Variants in CHPT1 observed in about 807,000 individuals in gnomAD.
CHPT1 encodes the protein cholinephosphotransferase 1.
Under a neutral mutation model 47.6 loss-of-function variants are expected in CHPT1, and 36 were observed. That is an observed-to-expected ratio of 0.76 (90% CI 0.58 to 1.00). CHPT1 has a LOEUF of 1.00. CHPT1 is among the 50% of genes least tolerant of loss of function. The probability of loss-of-function intolerance (pLI) is 0.00; values close to 1 mark genes in which losing one functional copy is unlikely to be tolerated. For synonymous variants in CHPT1, 194 were observed against 186.3 expected (o/e 1.04, Z -0.33); for missense variants, 458 against 498.1 (o/e 0.92, Z 0.77).
chr12:101,721,274 C>T (rs533778810), intron 5 of CHPT1, among the ~76,000 whole-genome samples: 1 of 151,486 alleles, frequency 6.6e-6, no homozygotes, highest in South Asian at 2.1e-4. Flanking sequence ...GGTGACAGAG[C>T]GAGACTCTGT....
In CHPT1 at chr12:101,712,325, A is replaced by AT. The variant is rs547430130; in HGVS notation, c.274-1761dup. On this transcript the variant is annotated intron_variant, in intron 1 of 8. Coordinates refer to ENST00000229266, the MANE Select transcript of CHPT1 (RefSeq NM_020244.3). The stretch of plus-strand genomic sequence containing the variant: ...TGTGAGCCGCCGAACCTGGACTGTG[A>AT]TTTTCTGCTTACTACTAGTTTTCAT... Among the ~76,000 whole-genome samples, 4 of 148,462 alleles carry AT rather than the reference A, an allele frequency of 2.7e-5. 1 individual carries two copies. The East Asian group carries it at 8.0e-4, about 30-fold the overall frequency.
rs1299787668 is a variant in CHPT1, at chr12:101,728,400, C to CTGTT, written c.1177-500_1177-497dup. ...ATATTCACAAATCCATGTCTTAAAA[C>CTGTT]TGTTATTTATATATTGTTCTATTGC... is the stretch of plus-strand genomic sequence containing the variant. On this transcript the variant is annotated intron_variant, in intron 8 of 8. Coordinates refer to ENST00000229266, the MANE Select transcript of CHPT1 (RefSeq NM_020244.3). 3 of 154,036 alleles carry CTGTT rather than the reference C, an allele frequency of 1.9e-5. No homozygotes were observed. The East Asian group carries it at 5.7e-4, about 29-fold the overall frequency. The allele number at this position is 154,036 out of a possible 1,614,324, so 9.5% of individuals were successfully genotyped here.
At chr12:101,704,486 C>A (rs1047365364) in intron 1 of CHPT1, among the ~76,000 whole-genome samples, 2 of 151,024 alleles carry the variant, frequency 1.3e-5, no homozygotes, top group African/African-American at 4.9e-5. Context: ...ACTGCTACCT[C>A]CGCCTCCTGG....
intron 1 of CHPT1, among the ~76,000 whole-genome samples, chr12:101,704,799 T>G (rs1951607456): frequency 1.2e-5 from 1 of 85,774 alleles, no homozygotes; most frequent in Non-Finnish European, 2.2e-5. Flanking sequence ...AATTATCTGA[T>G]GGAGTATCAG....
chr12:101,727,731 A>G (rs1273575689), intron 8 of CHPT1: 1 of 152,194 alleles, frequency 6.6e-6, no homozygotes, highest in African/African-American at 2.4e-5. Flanking sequence ...ATATTCTAAT[A>G]ATATATACTT....
At chr12:101,719,049 C>T (rs377752388) in intron 4 of CHPT1, among the ~76,000 whole-genome samples, 4 of 148,044 alleles carry the variant, frequency 2.7e-5, no homozygotes, top group Admixed American at 6.8e-5. Flanking sequence ...CCCAGCTACT[C>T]GGGAGGCTGA....
chr12:101,706,595 A>G (rs1377091431), intron 1 of CHPT1, among the ~76,000 whole-genome samples: 2 of 152,202 alleles, frequency 1.3e-5, no homozygotes, highest in Non-Finnish European at 2.9e-5. Context: ...CTCAGCATGC[A>G]GCTTTCACCT....
At chr12:101,717,600 T>G (rs1259981211) in intron 4 of CHPT1, among the ~76,000 whole-genome samples, 1 of 152,140 alleles carries the variant, frequency 6.6e-6, no homozygotes, top group African/African-American at 2.4e-5. Context: ...TAAATAAGTC[T>G]TAGGGTGATT....
At chr12:101,717,695 A>C (rs931961934) in intron 4 of CHPT1, among the ~76,000 whole-genome samples, 5 of 152,330 alleles carry the variant, frequency 3.3e-5, no homozygotes, top group South Asian at 2.1e-4. Context: ...TCACTAAGCT[A>C]TATATCTAGT....
rs746950087 is a variant in CHPT1, at chr12:101,726,362, TC to T, written c.1135del (p.Leu379Ter). Reference sequence around the variant, plus strand: ...GCCTGCAAATTTCAAGACACCTTCATCTAAATATATTCAAGACTGCATGTCA... The same window carrying T: ...GCCTGCAAATTTCAAGACACCTTCATTAAATATATTCAAGACTGCATGTCA... Reference protein sequence around the residue: ...LCLQISRHLHLNIFKTACHQA... With the variant: ...LCLQISRHLHXNIFKTACHQA... On this transcript the variant is annotated frameshift_variant, in exon 8 of 9. Transcript: ENST00000229266. LOFTEE classifies it high-confidence loss of function. 38 of 1,613,132 alleles carry T rather than the reference TC, an allele frequency of 2.4e-5. No homozygotes were observed. Among genetic ancestry groups the T allele is most frequent in the Non-Finnish European group, 3.1e-5 (37 of 1,179,510 alleles).
chr12:101,723,597 G>T (rs1355106632), intron 6 of CHPT1, 125 bp from the exon 7 acceptor site: 7 of 673,704 alleles, frequency 1.0e-5, no homozygotes, highest in Non-Finnish European at 1.7e-5. Flanking sequence ...GTGTAGAAAA[G>T]TATTCTTAAA....
chr12:101,727,476 A>G (rs1308000088), intron 8 of CHPT1: 1 of 135,736 alleles, frequency 7.4e-6, no homozygotes, highest in East Asian at 2.3e-4. Flanking sequence ...AACAGACCAT[A>G]TGTCATATGA....
rs369656027 is a variant in CHPT1 at position 101,697,887 on chromosome 12, C to A, written c.26C>A (p.Ser9Tyr). Residue 9 changes from serine (S) to tyrosine (Y), a missense_variant, in exon 1 of 9, where the codon TCC (serine) becomes TAC (tyrosine). Coordinates refer to ENST00000229266, the MANE Select transcript of CHPT1 (RefSeq NM_020244.3). ...ATGGCGGCAGGCGCCGGGGCCGGGT[C>A]CGCGCCGCGCTGGCTGAGGGCGCTG... MAAGAGAGSAPRWLRALSE... is the reference protein window; with the variant it reads MAAGAGAGYAPRWLRALSE... 4.1e-5 allele frequency: 50 copies of A among 1,233,954 alleles called. No homozygotes were observed. The highest frequency in any genetic ancestry group is 1.6e-4 in the African/African-American group (10 of 63,628). The allele number at this position is 1,233,954 out of a possible 1,614,324, so 76.4% of individuals were successfully genotyped here.
At chr12:101,698,247 G>A in intron 1 of CHPT1, 113 bp downstream of exon 1, 2 of 1,330,380 alleles carry the variant, frequency 1.5e-6, no homozygotes, top group Non-Finnish European at 1.9e-6. Context: ...GGGCCCCGGA[G>A]GGGCGGACTG....
At chr12:101,728,832 C>T in intron 8 of CHPT1, 69 bp from the exon 9 acceptor site, 1 of 1,559,972 alleles carries the variant, frequency 6.4e-7, no homozygotes, top group Non-Finnish European at 8.8e-7. Flanking sequence ...AAAGATGTTA[C>T]AATTAAACTA....
intron 5 of CHPT1, 73 bp from the exon 6 acceptor site, chr12:101,723,095 T>A: frequency 1.5e-6 from 2 of 1,360,186 alleles, no homozygotes; most frequent in Non-Finnish European, 2.1e-6. Flanking sequence ...ACAAAATAGA[T>A]GGTCAGAAAA....
At chr12:101,698,440 C>A (rs1276066573) in intron 1 of CHPT1, among the ~76,000 whole-genome samples, 1 of 152,242 alleles carries the variant, frequency 6.6e-6, no homozygotes, top group African/African-American at 2.4e-5. Flanking sequence ...GCCTGCCCAG[C>A]CGCTATCCCA....
chr12:101,702,530 C>G (rs1005620899), intron 1 of CHPT1, among the ~76,000 whole-genome samples: 9 of 151,850 alleles, frequency 5.9e-5, no homozygotes, highest in Admixed American at 3.9e-4. Flanking sequence ...ACAGAATAAA[C>G]CATTTCTTAA....
chr12:101,714,731 G>A, intron 3 of CHPT1, 86 bp downstream of exon 3: 2 of 1,337,058 alleles, frequency 1.5e-6, no homozygotes, highest in Non-Finnish European at 2.0e-6. Flanking sequence ...ATAATAAGGA[G>A]AACAAATCTT....
Sources: allele counts gnomAD v4.1 joint callset (sites outside exome capture counted in the v4.1 genomes callset), GRCh38; gene constraint gnomAD v4.1.1; transcripts MANE v1.5; gene names NCBI Gene and HGNC (gene_info 2026-07-23, HGNC 2026-07-21).